FHOD3: variants seen among roughly 807,000 people sequenced by gnomAD.
The protein encoded by FHOD3 is FH1/FH2 domain-containing protein 3.
FHOD3 carries 90 observed loss-of-function variants against 173.0 expected under a neutral mutation model. That is an observed-to-expected ratio of 0.52 (90% CI 0.44 to 0.62). The LOEUF (loss-of-function observed/expected upper bound fraction) is 0.62. Ranked by LOEUF, FHOD3 falls within the 20% of genes least tolerant of loss-of-function variation. The probability of loss-of-function intolerance (pLI) is 0.00; values close to 1 mark genes in which losing one functional copy is unlikely to be tolerated. For missense variants in FHOD3, 1,945 were observed against 2,034.7 expected, an observed-to-expected ratio of 0.96 and a Z score of 0.85; for synonymous variants, 828 against 823.0, an observed-to-expected ratio of 1.01 and a Z score of -0.10.
Position 36,310,697 on chromosome 18 carries a change from AAAAAG to A in FHOD3, c.165+12707_165+12711del, listed in dbSNP as rs969654589. Reference sequence around the variant, plus strand: ...AGTGAGACTCCATCTCAAAAAAAAAAAAAAGAAAAGAAAAAAAAAAGAAATGTCAA... The same window carrying A: ...AGTGAGACTCCATCTCAAAAAAAAAAAAAAGAAAAAAAAAAGAAATGTCAA... On this transcript the variant is annotated intron_variant, in intron 1 of 28. Coordinates refer to ENST00000590592, the MANE Select transcript of FHOD3 (RefSeq NM_001281740.3). Among the ~76,000 whole-genome samples, 32 of 151,950 alleles carry A rather than the reference AAAAAG, an allele frequency of 2.1e-4. No homozygotes were observed. The East Asian group carries it at 5.6e-3, about 27-fold the overall frequency.
chr18:36,350,417 G>T (rs2046069143), intron 1 of FHOD3, among the ~76,000 whole-genome samples: 1 of 152,144 alleles, frequency 6.6e-6, no homozygotes, highest in Admixed American at 6.5e-5. Flanking sequence ...CTTAATCGCT[G>T]TACTTCTGTA....
intron 5 of FHOD3, among the ~76,000 whole-genome samples, chr18:36,546,433 A>G (rs1599597445): frequency 6.6e-6 from 1 of 152,188 alleles, no homozygotes. Flanking sequence ...GTATGTTTGC[A>G]GTATTTAGTT....
intron 10 of FHOD3, among the ~76,000 whole-genome samples, 164 bp downstream of exon 10, chr18:36,625,913 A>G (rs550418702): frequency 2.0e-5 from 3 of 150,126 alleles, no homozygotes; most frequent in African/African-American, 7.3e-5. Context: ...ATCTCGGTGG[A>G]TTTCCCACAC....
chr18:36,336,484 C>T (rs1463629459), intron 1 of FHOD3, among the ~76,000 whole-genome samples: 1 of 152,098 alleles, frequency 6.6e-6, no homozygotes, highest in African/African-American at 2.4e-5. Flanking sequence ...AGTGGATTCT[C>T]ACTAGAAAAT....
At chr18:36,403,017 G>T (rs2146708788) in intron 3 of FHOD3, among the ~76,000 whole-genome samples, 1 of 152,358 alleles carries the variant, frequency 6.6e-6, no homozygotes, top group East Asian at 1.9e-4. Flanking sequence ...TGACAATGAA[G>T]TGAAAATCTT....
intron 5 of FHOD3, among the ~76,000 whole-genome samples, chr18:36,538,738 T>C (rs1399023082): frequency 6.6e-6 from 1 of 152,138 alleles, no homozygotes; most frequent in African/African-American, 2.4e-5. Context: ...AGGTGAAAAA[T>C]AGGAGTTGAC....
chr18:36,566,743 GAA>G (rs1367555376), intron 5 of FHOD3, among the ~76,000 whole-genome samples: 2 of 152,160 alleles, frequency 1.3e-5, no homozygotes, highest in Non-Finnish European at 1.5e-5. Context: ...TAGTAGAGAG[GAA>G]GAGAAGACCT....
intron 5 of FHOD3, among the ~76,000 whole-genome samples, chr18:36,535,207 T>C (rs1198751543): frequency 6.6e-6 from 1 of 152,148 alleles, no homozygotes; most frequent in Non-Finnish European, 1.5e-5. Context: ...GTGAAATATA[T>C]AGTTTTCACT....
chr18:36,404,526 C>T (rs1305625827), intron 3 of FHOD3, among the ~76,000 whole-genome samples: 1 of 152,180 alleles, frequency 6.6e-6, no homozygotes, highest in African/African-American at 2.4e-5. Context: ...ATGCTAGGTT[C>T]CAAATGCCTG....
At chr18:36,515,030 G>GC (rs1161647787) in intron 5 of FHOD3, among the ~76,000 whole-genome samples, 4 of 152,160 alleles carry the variant, frequency 2.6e-5, no homozygotes, top group African/African-American at 7.2e-5. Flanking sequence ...CCACAGTGAG[G>GC]CCCCTCCCAC....
chr18:36,704,548 A>C (rs1006166433), intron 17 of FHOD3, among the ~76,000 whole-genome samples: 8 of 152,152 alleles, frequency 5.3e-5, no homozygotes, highest in African/African-American at 1.9e-4. Flanking sequence ...GAGCCGTGGC[A>C]TCTCTTGACC....
intron 11 of FHOD3, 114 bp from the exon 12 acceptor site, chr18:36,652,456 T>C (rs1450939593): frequency 7.9e-7 from 1 of 1,259,000 alleles, no homozygotes; most frequent in Non-Finnish European, 1.1e-6. Context: ...GACTTTGAAG[T>C]GAGTGATAAT....
chr18:36,730,854 G>A lies in FHOD3; in HGVS notation c.3576+50G>A, dbSNP rs371553072. The A allele has an allele frequency of 5.1e-6, 8 of 1,558,610 alleles. No individual in the cohort carries two copies. The African/African-American group carries it at 1.1e-4, about 21-fold the overall frequency. ...ATTTGTATTTTATCTTATACTGCAT[G>A]TATAATATGCTGCATGTCCACATTT... is the stretch of plus-strand genomic sequence containing the variant. On this transcript the variant is annotated intron_variant, in intron 20 of 28. Coordinates refer to ENST00000590592, the MANE Select transcript of FHOD3 (RefSeq NM_001281740.3).
chr18:36,416,315 G>A (rs376206747), intron 3 of FHOD3, among the ~76,000 whole-genome samples: 8 of 152,262 alleles, frequency 5.3e-5, no homozygotes, highest in South Asian at 2.1e-4. Context: ...TTACAGGCGT[G>A]AGCCACCATG....
intron 5 of FHOD3, among the ~76,000 whole-genome samples, chr18:36,523,999 G>A (rs921190572): frequency 2.6e-5 from 4 of 152,090 alleles, no homozygotes; most frequent in Middle Eastern, 3.2e-3. Context: ...GCTTGTATTC[G>A]GCTGGACATG....
intron 2 of FHOD3, among the ~76,000 whole-genome samples, chr18:36,363,584 A>C (rs1203624268): frequency 6.6e-6 from 1 of 152,206 alleles, no homozygotes; most frequent in Non-Finnish European, 1.5e-5. Context: ...CATTCCGAGA[A>C]AGGCAAAAAG....
intron 21 of FHOD3, 152 bp from the exon 22 acceptor site, chr18:36,742,585 C>T: frequency 2.4e-6 from 2 of 833,954 alleles, no homozygotes; most frequent in Non-Finnish European, 1.8e-6. Context: ...CTCCCTGCCA[C>T]ACGTTTCCAT....
chr18:36,769,046 G>T (rs2043261341), intron 27 of FHOD3, among the ~76,000 whole-genome samples: 1 of 152,188 alleles, frequency 6.6e-6, no homozygotes, highest in Non-Finnish European at 1.5e-5. Context: ...GTATGGGTTT[G>T]CTCAGAGCCT....
intron 9 of FHOD3, among the ~76,000 whole-genome samples, chr18:36,613,968 T>G (rs983406977): frequency 1.3e-5 from 2 of 152,184 alleles, no homozygotes; most frequent in Non-Finnish European, 2.9e-5. Context: ...CCACTGTGCC[T>G]GACCCTGGTT....
Sources: allele counts gnomAD v4.1 joint callset (sites outside exome capture counted in the v4.1 genomes callset), GRCh38; gene constraint gnomAD v4.1.1; transcripts MANE v1.5; gene names NCBI Gene and HGNC (gene_info 2026-07-23, HGNC 2026-07-21).